MAPK4: variants seen among roughly 807,000 people sequenced by gnomAD.
MAPK4 encodes the protein mitogen-activated protein kinase 4.
A neutral mutation model predicts 47.7 loss-of-function variants in MAPK4; 22 were observed. The observed-to-expected ratio is 0.46, with a 90% CI of 0.33 to 0.66. The LOEUF is 0.66. Ranked by LOEUF, MAPK4 falls within the 30% of genes least tolerant of loss-of-function variation. The pLI is 0.02. For missense variants in MAPK4, 736 were observed against 831.7 expected (o/e 0.88, Z 1.42); for synonymous variants, 390 against 365.7 (o/e 1.07, Z -0.76).
intron 2 of MAPK4, among the ~76,000 whole-genome samples, chr18:50,711,344 C>A (rs893434148): frequency 6.6e-6 from 1 of 152,194 alleles, no homozygotes; most frequent in South Asian, 2.1e-4. Context: ...TTAAAAGGGT[C>A]TAGAAAGGAA....
intron 1 of MAPK4, among the ~76,000 whole-genome samples, chr18:50,649,495 TC>T (rs1011240542): frequency 1.3e-5 from 2 of 152,066 alleles, no homozygotes; most frequent in Admixed American, 1.3e-4. Context: ...TGGGAAGTGA[TC>T]AACACAGGAG....
chr18:50,686,123 C>T (rs114063406), intron 2 of MAPK4, among the ~76,000 whole-genome samples: 1,776 of 152,144 alleles, frequency 0.012, 39 homozygotes, highest in African/African-American at 0.04. Context: ...CGTTAGGAGT[C>T]GTGTTACTCT....
At chr18:50,577,286 A>C (rs1279246183) in intron 1 of MAPK4, among the ~76,000 whole-genome samples, 6 of 152,120 alleles carry the variant, frequency 3.9e-5, no homozygotes, top group African/African-American at 1.4e-4. Context: ...CACCGTATGC[A>C]TGTGTGTATG....
intron 2 of MAPK4, among the ~76,000 whole-genome samples, chr18:50,679,212 G>C (rs1908444076): frequency 1.3e-5 from 2 of 152,216 alleles, no homozygotes; most frequent in Non-Finnish European, 2.9e-5. Flanking sequence ...TAGCCCACTT[G>C]CTGAGCTGGG....
chr18:50,602,774 G>A (rs182535396), intron 1 of MAPK4, among the ~76,000 whole-genome samples: 23 of 152,284 alleles, frequency 1.5e-4, no homozygotes, highest in African/African-American at 5.1e-4. Context: ...CCTGCATGAA[G>A]GAGATACAAG....
intron 1 of MAPK4, among the ~76,000 whole-genome samples, chr18:50,613,643 T>A (rs975489567): frequency 6.6e-6 from 1 of 152,244 alleles, no homozygotes; most frequent in Non-Finnish European, 1.5e-5. Context: ...AACTAATACA[T>A]GCACGTATCT....
chr18:50,697,189 G>A (rs888333147), intron 2 of MAPK4, among the ~76,000 whole-genome samples: 3 of 152,194 alleles, frequency 2.0e-5, no homozygotes, highest in African/African-American at 7.2e-5. Flanking sequence ...TAGCATAGCT[G>A]TTCAAAACAA....
intron 2 of MAPK4, among the ~76,000 whole-genome samples, chr18:50,713,709 G>A (rs948871913): frequency 5.9e-5 from 9 of 152,336 alleles, no homozygotes; most frequent in Non-Finnish European, 1.3e-4. Flanking sequence ...CGTGTCAGCC[G>A]GTAGCACCAT....
chr18:50,569,159 GA>G (rs1165938917), intron 1 of MAPK4, among the ~76,000 whole-genome samples: 3 of 152,046 alleles, frequency 2.0e-5, no homozygotes, highest in Non-Finnish European at 4.4e-5. Context: ...ATATTGTTTT[GA>G]AAAAATATAT....
chr18:50,676,555 A>G (rs16952382), intron 2 of MAPK4, among the ~76,000 whole-genome samples: 2,298 of 152,318 alleles, frequency 0.015, 51 homozygotes, highest in African/African-American at 0.052. Flanking sequence ...AACTCATCCT[A>G]AAGTTAAAAA....
chr18:50,611,004 G>T (rs1287933641), intron 1 of MAPK4, among the ~76,000 whole-genome samples: 1 of 152,090 alleles, frequency 6.6e-6, no homozygotes, highest in Non-Finnish European at 1.5e-5. Context: ...GACCACCGAG[G>T]GTGTGTCCAG....
intron 1 of MAPK4, among the ~76,000 whole-genome samples, chr18:50,661,065 C>A (rs2043166383): frequency 6.6e-6 from 1 of 152,192 alleles, no homozygotes; most frequent in Admixed American, 6.5e-5. Context: ...GTGATGTCAT[C>A]CCCTCTGCTT....
chr18:50,583,221 G>A (rs2042361350), intron 1 of MAPK4, among the ~76,000 whole-genome samples: 2 of 152,178 alleles, frequency 1.3e-5, no homozygotes, highest in African/African-American at 4.8e-5. Context: ...TAGAATGAGA[G>A]AATGTGTGTT....
intron 1 of MAPK4, among the ~76,000 whole-genome samples, chr18:50,610,186 C>G (rs911865929): frequency 6.6e-6 from 1 of 152,184 alleles, no homozygotes; most frequent in Admixed American, 6.5e-5. Flanking sequence ...CCTGAGGTAA[C>G]ATAGAGATAT....
intron 2 of MAPK4, among the ~76,000 whole-genome samples, chr18:50,696,007 C>T (rs1909493898): frequency 6.6e-6 from 1 of 151,836 alleles, no homozygotes. Flanking sequence ...AGCCTCAGAG[C>T]TTGTGTTTTC....
rs1463072484 is a variant in MAPK4 at position 50,729,523 on chromosome 18, A to C, written c.1433A>C (p.Asp478Ala). Residue 478 changes from aspartate (D) to alanine (A), a missense_variant, in exon 6 of 6, where the codon GAC (aspartate) becomes GCC (alanine). Physicochemically the swap from Asp to Ala is moderately radical, Grantham distance 126. Around this residue, in one of 3 missense-constraint regions of MAPK4, gnomAD observed 377 missense variants for 378.6 expected, o/e 1.00. Transcript: ENST00000400384. ...GAPPTATGLA[D>A]TGAREDEPAS... The stretch of plus-strand genomic sequence containing the variant: ...CCCCCCACGGCCACGGGGCTGGCGG[A>C]CACGGGGGCGCGCGAGGACGAGCCG... The C allele has an allele frequency of 1.2e-5, 17 of 1,436,498 alleles. No homozygotes were observed. The highest frequency in any genetic ancestry group is 5.1e-5 in the East Asian group (2 of 39,348). 89.0% of individuals were successfully genotyped at this position (1,436,498 alleles called of 1,614,324 possible).
intron 2 of MAPK4, among the ~76,000 whole-genome samples, chr18:50,685,022 T>C (rs542035191): frequency 2.0e-5 from 3 of 152,246 alleles, no homozygotes; most frequent in Non-Finnish European, 2.9e-5. Flanking sequence ...GCCTCCTAGC[T>C]CACAGCACTC....
chr18:50,573,446 C>T (rs192595076), intron 1 of MAPK4, among the ~76,000 whole-genome samples: 1 of 152,306 alleles, frequency 6.6e-6, no homozygotes, highest in Admixed American at 6.5e-5. Context: ...ATTAGATTCT[C>T]ATAGGAGCAC....
intron 3 of MAPK4, among the ~76,000 whole-genome samples, chr18:50,718,355 A>G (rs977895632): frequency 6.6e-6 from 1 of 152,150 alleles, no homozygotes; most frequent in African/African-American, 2.4e-5. Context: ...AGTAGCTGGG[A>G]TTACAGGCAT....
Sources: gnomAD v4.1 joint callset for allele counts (sites outside exome capture counted in the v4.1 genomes callset) on GRCh38, gnomAD v4.1.1 for gene constraint, gnomAD v4.1.1 regional missense constraint, MANE v1.5 for transcripts, NCBI Gene and HGNC (gene_info 2026-07-23, HGNC 2026-07-21) for gene names.